STK32B: variants seen among roughly 807,000 people sequenced by gnomAD.
The protein encoded by STK32B is serine/threonine kinase 32B.
STK32B carries 43 observed loss-of-function variants against 52.6 expected under a neutral mutation model. The observed-to-expected ratio is 0.82, with a 90% CI of 0.64 to 1.05. STK32B has a LOEUF of 1.05. STK32B is among the 50% of genes least tolerant of loss of function. The probability of loss-of-function intolerance (pLI) is 0.00; values close to 1 mark genes in which losing one functional copy is unlikely to be tolerated. For missense variants in STK32B, 621 were observed against 534.6 expected (o/e 1.16, Z -1.59); for synonymous variants, 238 against 204.3 (o/e 1.17, Z -1.41).
At chr4:5,436,456 G>A (rs866248629) in intron 6 of STK32B, 31 of 313,690 alleles carry the variant, frequency 9.9e-5, no homozygotes, top group Middle Eastern at 1.5e-3. Flanking sequence ...AACAGCCACC[G>A]TGATGGGAAG....
intron 3 of STK32B, among the ~76,000 whole-genome samples, chr4:5,318,348 A>G (rs1004174369): frequency 1.3e-5 from 2 of 152,176 alleles, no homozygotes; most frequent in African/African-American, 4.8e-5. Context: ...CTGAGACTAA[A>G]TGATGAGAAG....
intron 5 of STK32B, among the ~76,000 whole-genome samples, chr4:5,407,967 C>A (rs182192039): frequency 2.6e-5 from 4 of 152,206 alleles, no homozygotes; most frequent in Admixed American, 6.5e-5. Context: ...GTTCCCTCAC[C>A]CTTTCCACCA....
At chr4:5,306,295 C>T (rs571416411) in intron 3 of STK32B, among the ~76,000 whole-genome samples, 54 of 152,010 alleles carry the variant, frequency 3.6e-4, no homozygotes, top group Admixed American at 2.4e-3. Context: ...TAGTGCTGTC[C>T]GTGGAATATT....
intron 6 of STK32B, among the ~76,000 whole-genome samples, chr4:5,421,663 C>G (rs968598938): frequency 1.3e-5 from 2 of 152,194 alleles, no homozygotes; most frequent in African/African-American, 4.8e-5. Context: ...CTGAGGCAGC[C>G]CAGTCCAGGT....
At chr4:5,255,378 T>C (rs1472445538) in intron 3 of STK32B, among the ~76,000 whole-genome samples, 2 of 152,230 alleles carry the variant, frequency 1.3e-5, no homozygotes, top group African/African-American at 4.8e-5. Flanking sequence ...TCACAACCAT[T>C]TGATTTTCTC....
At chr4:5,140,010 T>C in intron 2 of STK32B, 50 bp downstream of exon 2, 1 of 1,603,628 alleles carries the variant, frequency 6.2e-7, no homozygotes, top group Non-Finnish European at 8.5e-7. Context: ...TGTGTATATT[T>C]GTGTGTCTGT....
At chr4:5,444,458 G>C (rs905064085) in intron 6 of STK32B, among the ~76,000 whole-genome samples, 10 of 152,198 alleles carry the variant, frequency 6.6e-5, no homozygotes, top group Non-Finnish European at 1.3e-4. Flanking sequence ...CCCTGCTTTG[G>C]CTCGCGCACT....
chr4:5,143,762 T>C (rs1716691619), intron 2 of STK32B, among the ~76,000 whole-genome samples: 1 of 100,666 alleles, frequency 9.9e-6, no homozygotes, highest in Non-Finnish European at 2.7e-5. Context: ...CCCGGAAGGA[T>C]CCAGAAGGTG....
chr4:5,358,181 G>T (rs951407437), intron 4 of STK32B, among the ~76,000 whole-genome samples: 1 of 152,174 alleles, frequency 6.6e-6, no homozygotes, highest in African/African-American at 2.4e-5. Context: ...AATTGCACCC[G>T]CAATTGGGTG....
chr4:5,318,887 CCCCCTGG>C (rs1731294707), intron 3 of STK32B, among the ~76,000 whole-genome samples: 12 of 151,934 alleles, frequency 7.9e-5, no homozygotes, highest in Non-Finnish European at 1.6e-4. Context: ...GCAAGCTCTG[CCCCCTGG>C]GTTTATGCCA....
chr4:5,170,208 G>A (rs1166014962), intron 3 of STK32B, among the ~76,000 whole-genome samples: 3 of 152,178 alleles, frequency 2.0e-5, no homozygotes, highest in Non-Finnish European at 4.4e-5. Flanking sequence ...CCTTAAGGTG[G>A]ACTAAGAAGA....
intron 2 of STK32B, among the ~76,000 whole-genome samples, chr4:5,147,331 G>A (rs868206607): frequency 1.3e-5 from 2 of 150,996 alleles, no homozygotes; most frequent in South Asian, 2.1e-4. Context: ...TGTGATAGTT[G>A]TTTTGTAGTA....
At chr4:5,219,070 C>T (rs1723360219) in intron 3 of STK32B, among the ~76,000 whole-genome samples, 1 of 152,258 alleles carries the variant, frequency 6.6e-6, no homozygotes, top group South Asian at 2.1e-4. Context: ...GACCTCACTG[C>T]TGTGTCTGTT....
At chr4:5,443,805 G>C (rs1480601027) in intron 6 of STK32B, among the ~76,000 whole-genome samples, 1 of 152,088 alleles carries the variant, frequency 6.6e-6, no homozygotes, top group Non-Finnish European at 1.5e-5. Context: ...CTGTTTATTA[G>C]TTTTCCTTCT....
chr4:5,422,362 C>T (rs141356832), intron 6 of STK32B, among the ~76,000 whole-genome samples: 1 of 152,200 alleles, frequency 6.6e-6, no homozygotes, highest in African/African-American at 2.4e-5. Context: ...GTTCAAAGGC[C>T]CAGTAACAAG....
chr4:5,291,165 T>G (rs2108883792), intron 3 of STK32B, among the ~76,000 whole-genome samples: 1 of 152,238 alleles, frequency 6.6e-6, no homozygotes, highest in South Asian at 2.1e-4. Context: ...CTCTTGCATG[T>G]CCATAGGAAT....
At chr4:5,372,605 G>C (rs1168770720) in intron 4 of STK32B, among the ~76,000 whole-genome samples, 1 of 151,796 alleles carries the variant, frequency 6.6e-6, no homozygotes, top group Admixed American at 6.6e-5. Context: ...TGACAACTCT[G>C]TTCCCATCTT....
At chr4:5,122,582 C>CA (rs1433371030) in intron 1 of STK32B, among the ~76,000 whole-genome samples, 13 of 152,102 alleles carry the variant, frequency 8.5e-5, no homozygotes, top group African/African-American at 3.1e-4. Context: ...CTCATTCACT[C>CA]ACTCATTCAC....
intron 5 of STK32B, among the ~76,000 whole-genome samples, chr4:5,404,847 G>T (rs1423014479): frequency 1.3e-5 from 2 of 148,254 alleles, no homozygotes; most frequent in Non-Finnish European, 3.0e-5. Context: ...TAACACCCCT[G>T]TGTTCTCTGT....
Sources: allele counts gnomAD v4.1 joint callset (sites outside exome capture counted in the v4.1 genomes callset), GRCh38; gene constraint gnomAD v4.1.1; transcripts MANE v1.5; gene names NCBI Gene and HGNC (gene_info 2026-07-23, HGNC 2026-07-21).